ZNF385D: variants seen among roughly 807,000 people sequenced by gnomAD.
The protein encoded by ZNF385D is zinc finger protein 659.
In ZNF385D, 15 loss-of-function variants were observed where a neutral mutation model predicts 35.8. The observed-to-expected ratio is 0.42, with a 90% confidence interval of 0.28 to 0.64. ZNF385D has a LOEUF of 0.64. Ranked by LOEUF, ZNF385D falls within the 30% of genes least tolerant of loss-of-function variation. ZNF385D has a pLI of 0.23. For missense variants in ZNF385D, 474 were observed against 494.6 expected, an observed-to-expected ratio of 0.96 and a Z score of 0.39; for synonymous variants, 212 against 186.8, an observed-to-expected ratio of 1.13 and a Z score of -1.10.
At chr3:22,040,036 G>A (rs138853465) in intron 3 of ZNF385D, among the ~76,000 whole-genome samples, 2 of 152,178 alleles carry the variant, frequency 1.3e-5, no homozygotes, top group South Asian at 4.2e-4. Flanking sequence ...CCTCAACCTG[G>A]CCATGCATTC....
In ZNF385D at chr3:21,578,791, G is replaced by A. The variant is rs151299970; in HGVS notation, c.166-14107C>T. 5.3e-5 allele frequency among the ~76,000 whole-genome samples: 8 copies of A among 152,072 alleles called. No homozygotes were observed. The East Asian group carries it at 1.5e-3, about 29-fold the overall frequency. On this transcript the variant is annotated intron_variant, in intron 2 of 7. Coordinates refer to ENST00000281523, the MANE Select transcript of ZNF385D (RefSeq NM_024697.3). ...TAACGCCTCCAGCTTTGTTCTTTTT[G>A]TTCTGCATTGCTTTGGCTATTTGGG...
chr3:21,858,636 G>C (rs913078895), intron 3 of ZNF385D, among the ~76,000 whole-genome samples: 11 of 152,024 alleles, frequency 7.2e-5, no homozygotes, highest in Non-Finnish European at 1.5e-5. Context: ...CTTAATCTTG[G>C]ACTTCCCAGC....
At chr3:21,869,257 C>T (rs984852423) in intron 3 of ZNF385D, among the ~76,000 whole-genome samples, 6 of 152,064 alleles carry the variant, frequency 3.9e-5, no homozygotes, top group Non-Finnish European at 7.4e-5. Flanking sequence ...GATACAATGT[C>T]AAATAGCATA....
In ZNF385D at chr3:21,461,808, C is replaced by T. The variant is rs1309284132; in HGVS notation, c.440-24605G>A. Among the ~76,000 whole-genome samples, 10 of 152,290 alleles carry T rather than the reference C, an allele frequency of 6.6e-5. No individual in the cohort carries two copies. The East Asian group carries it at 7.7e-4, about 12-fold the overall frequency. On this transcript the variant is annotated intron_variant, in intron 4 of 7. Coordinates refer to ENST00000281523, the MANE Select transcript of ZNF385D (RefSeq NM_024697.3). ...GGAGAGGATATGGATGGTCTCTTGA[C>T]AATTTGCTTATTGGATGGCTACAAA...
intron 3 of ZNF385D, among the ~76,000 whole-genome samples, chr3:22,115,065 G>C (rs571230963): frequency 6.6e-6 from 1 of 151,978 alleles, no homozygotes; most frequent in African/African-American, 2.4e-5. Context: ...ACAGTGACAC[G>C]AACAAACTAA....
At chr3:21,713,449 G>A (rs575427071) in intron 1 of ZNF385D, among the ~76,000 whole-genome samples, 2 of 152,172 alleles carry the variant, frequency 1.3e-5, no homozygotes, top group African/African-American at 4.8e-5. Flanking sequence ...GGGCATAGAG[G>A]TGGGGTATAC....
At chr3:21,564,516 G>C in intron 3 of ZNF385D, 58 bp downstream of exon 3, 1 of 1,125,814 alleles carries the variant, frequency 8.9e-7, no homozygotes, top group Non-Finnish European at 1.2e-6. Flanking sequence ...TCTCCTGCAA[G>C]ATTAGAACAG....
chr3:21,799,427 T>G (rs2072299462), intron 3 of ZNF385D, among the ~76,000 whole-genome samples: 1 of 152,216 alleles, frequency 6.6e-6, no homozygotes, highest in Non-Finnish European at 1.5e-5. Context: ...CATTAACACT[T>G]GTTTTGTAAA....
intron 3 of ZNF385D, among the ~76,000 whole-genome samples, chr3:22,127,161 T>A (rs78337471): frequency 6.6e-6 from 1 of 151,998 alleles, no homozygotes; most frequent in Non-Finnish European, 1.5e-5. Flanking sequence ...GTTTAGGACA[T>A]TGACATTCAA....
At chr3:21,907,486 G>A (rs1267236211) in intron 3 of ZNF385D, among the ~76,000 whole-genome samples, 2 of 151,998 alleles carry the variant, frequency 1.3e-5, no homozygotes, top group African/African-American at 4.8e-5. Flanking sequence ...ACCAATGCTT[G>A]TGTGAATAAG....
chr3:22,265,918 T>G (rs1182106289), intron 2 of ZNF385D, among the ~76,000 whole-genome samples: 1 of 151,964 alleles, frequency 6.6e-6, no homozygotes, highest in Admixed American at 6.6e-5. Flanking sequence ...TAAGTTATGA[T>G]CTGAACCCAG....
intron 3 of ZNF385D, among the ~76,000 whole-genome samples, chr3:22,112,921 A>C (rs529181339): frequency 6.6e-6 from 1 of 152,252 alleles, no homozygotes; most frequent in South Asian, 2.1e-4. Context: ...TGACAGTTAT[A>C]TGTTATACAT....
At chr3:21,808,794 C>G (rs2072770569) in intron 3 of ZNF385D, among the ~76,000 whole-genome samples, 1 of 152,170 alleles carries the variant, frequency 6.6e-6, no homozygotes, top group Admixed American at 6.5e-5. Flanking sequence ...TGAATCCAAC[C>G]AGAATCCACA....
chr3:21,809,589 GAT>G (rs542084043), intron 3 of ZNF385D, among the ~76,000 whole-genome samples: 1 of 149,834 alleles, frequency 6.7e-6, no homozygotes, highest in African/African-American at 2.4e-5. Context: ...AATATACAAT[GAT>G]ATATATATAC....
intron 3 of ZNF385D, among the ~76,000 whole-genome samples, chr3:21,919,223 G>A (rs1394343849): frequency 2.0e-5 from 3 of 152,102 alleles, no homozygotes; most frequent in Non-Finnish European, 2.9e-5. Context: ...CAAGTACTAT[G>A]GTCAACCATA....
At chr3:21,827,907 G>T (rs2125754911) in intron 3 of ZNF385D, among the ~76,000 whole-genome samples, 1 of 152,194 alleles carries the variant, frequency 6.6e-6, no homozygotes, top group East Asian at 1.9e-4. Flanking sequence ...AGTGTTGGTA[G>T]AGGGCTTAAC....
intron 1 of ZNF385D, among the ~76,000 whole-genome samples, chr3:21,671,791 G>C (rs754395153): frequency 5.9e-5 from 9 of 152,086 alleles, no homozygotes; most frequent in Non-Finnish European, 1.2e-4. Context: ...AGGAAGGAAG[G>C]AAAGAAGGGT....
intron 2 of ZNF385D, among the ~76,000 whole-genome samples, chr3:22,223,416 C>T (rs1698375361): frequency 6.6e-6 from 1 of 151,924 alleles, no homozygotes; most frequent in Admixed American, 6.6e-5. Context: ...ATCTTTATTT[C>T]TGCACTGTAT....
chr3:21,599,168 CCT>C (rs2064209690), intron 2 of ZNF385D, among the ~76,000 whole-genome samples: 1 of 152,296 alleles, frequency 6.6e-6, no homozygotes, highest in African/African-American at 2.4e-5. Context: ...GACATCCAGT[CCT>C]CTCGGCAAAC....
Sources: gnomAD v4.1 joint callset for allele counts (sites outside exome capture counted in the v4.1 genomes callset) on GRCh38, gnomAD v4.1.1 for gene constraint, MANE v1.5 for transcripts, NCBI Gene and HGNC (gene_info 2026-07-23, HGNC 2026-07-21) for gene names.